The following DPYD variants were observed in gnomAD, a reference collection of about 807,000 sequenced individuals.
DPYD encodes dihydropyrimidine dehydrogenase [NADP(+)].
A neutral mutation model predicts 116.2 loss-of-function variants in DPYD; 109 were observed. The ratio of observed to expected loss-of-function variants is 0.94; its 90% CI spans 0.80 to 1.10. The LOEUF (loss-of-function observed/expected upper bound fraction) is 1.10, where lower values mean the gene tolerates loss of function less well. Ranked by LOEUF, DPYD falls within the 50% of genes least tolerant of loss-of-function variation. The probability of loss-of-function intolerance (pLI) is 0.00; values close to 1 mark genes in which losing one functional copy is unlikely to be tolerated. For synonymous variants in DPYD, 440 were observed against 432.0 expected, an observed-to-expected ratio of 1.02 and a Z score of -0.23; for missense variants, 1,302 against 1,254.5, an observed-to-expected ratio of 1.04 and a Z score of -0.57.
chr1:97,549,883 T>C lies in DPYD; in HGVS notation c.1340-139A>G, dbSNP rs1297033947. On this transcript the variant is annotated intron_variant, in intron 11 of 22. Transcript: ENST00000370192. ...AACTGTTTTTAGTAAACTATAAAAATGAAAAGCTAACGAAATATTGGAGTT... is the reference window on the plus strand; with the variant it reads ...AACTGTTTTTAGTAAACTATAAAAACGAAAAGCTAACGAAATATTGGAGTT... The C allele has an allele frequency of 4.9e-6, 4 of 822,380 alleles. No homozygotes were observed. The East Asian group carries it at 1.1e-4, about 22-fold the overall frequency. 50.9% of individuals were successfully genotyped at this position (822,380 alleles called of 1,614,324 possible).
At chr1:97,496,611 C>G (rs1423664810) in intron 13 of DPYD, among the ~76,000 whole-genome samples, 1 of 151,994 alleles carries the variant, frequency 6.6e-6, no homozygotes, top group East Asian at 1.9e-4. Context: ...TTCTTTTTCT[C>G]TCTGACTTTG....
chr1:97,145,018 G>A (rs1309998652), intron 20 of DPYD, among the ~76,000 whole-genome samples: 1 of 152,100 alleles, frequency 6.6e-6, no homozygotes, highest in Non-Finnish European at 1.5e-5. Context: ...TGGTGCTGGG[G>A]CAAGTGTGCA....
chr1:97,400,488 T>C (rs1183907268), intron 14 of DPYD, among the ~76,000 whole-genome samples: 3 of 152,030 alleles, frequency 2.0e-5, no homozygotes, highest in Admixed American at 1.3e-4. Context: ...AGGATTCCCT[T>C]TTTTTCTGTT....
At chr1:97,597,681 A>G (rs950140200) in intron 8 of DPYD, among the ~76,000 whole-genome samples, 1 of 152,174 alleles carries the variant, frequency 6.6e-6, no homozygotes, top group Non-Finnish European at 1.5e-5. Context: ...TTAAGAACAA[A>G]ATTGTGGTTT....
chr1:97,278,856 C>T (rs1570411860), intron 18 of DPYD, among the ~76,000 whole-genome samples: 2 of 152,120 alleles, frequency 1.3e-5, no homozygotes, highest in African/African-American at 4.8e-5. Flanking sequence ...TATATATGCA[C>T]ACTCTAACAC....
At chr1:97,852,058 T>C (rs1571469300) in intron 2 of DPYD, among the ~76,000 whole-genome samples, 1 of 146,534 alleles carries the variant, frequency 6.8e-6, no homozygotes, top group African/African-American at 2.5e-5. Context: ...AAAAAGAAAG[T>C]GCAGCTACCT....
chr1:97,772,084 T>C (rs1361605123), intron 3 of DPYD, among the ~76,000 whole-genome samples: 1 of 152,192 alleles, frequency 6.6e-6, no homozygotes, highest in African/African-American at 2.4e-5. Context: ...TCTCACTTTT[T>C]CTGCCCAATG....
In DPYD at chr1:97,091,014, A is replaced by C. The variant is rs185696857; in HGVS notation, c.2766+7475T>G. On this transcript the variant is annotated intron_variant, in intron 21 of 22. Transcript: ENST00000370192. ...GGCATTTGAAAGGAAAAAAGAACAA[A>C]AGATGAGATCTACTGAGCATAGCTT... Among the ~76,000 whole-genome samples, 28 of 152,336 alleles carry C rather than the reference A, an allele frequency of 1.8e-4. No homozygotes were observed. In the East Asian group the frequency reaches 5.4e-3, roughly 29 times the overall value.
chr1:97,223,666 A>T (rs1371204593), intron 19 of DPYD, among the ~76,000 whole-genome samples: 2 of 152,066 alleles, frequency 1.3e-5, no homozygotes, highest in Non-Finnish European at 2.9e-5. Flanking sequence ...AAAGCAACTG[A>T]CTCAGTCTGA....
chr1:97,575,661 T>C (rs192553089), intron 10 of DPYD, among the ~76,000 whole-genome samples: 12 of 152,132 alleles, frequency 7.9e-5, no homozygotes, highest in Admixed American at 7.9e-4. Context: ...CTGGTAAACA[T>C]ACAAAACAGT....
rs1671957602 is a variant in DPYD, at chr1:97,877,065, G to A, written c.150+6199C>T. 2.0e-5 allele frequency among the ~76,000 whole-genome samples: 3 copies of A among 151,980 alleles called. No homozygotes were observed. The South Asian group carries it at 6.2e-4, about 32-fold the overall frequency. ...TACCAGGTGTGGGTAAATGAAAGAT[G>A]GAGAATCTGTGACTCGACAAACGAA... On this transcript the variant is annotated intron_variant, in intron 2 of 22. Transcript: ENST00000370192.
At chr1:97,904,952 G>C (rs1673535316) in intron 1 of DPYD, among the ~76,000 whole-genome samples, 1 of 151,972 alleles carries the variant, frequency 6.6e-6, no homozygotes, top group Non-Finnish European at 1.5e-5. Flanking sequence ...AAGGGCACCT[G>C]CATAGTCAAT....
intron 20 of DPYD, among the ~76,000 whole-genome samples, chr1:97,141,242 G>A (rs562800970): frequency 1.3e-5 from 2 of 152,278 alleles, no homozygotes; most frequent in East Asian, 3.9e-4. Context: ...AGCGAGGCAC[G>A]AGGTGCATAG....
chr1:97,822,941 T>C (rs538948055), intron 3 of DPYD, among the ~76,000 whole-genome samples: 2 of 152,320 alleles, frequency 1.3e-5, no homozygotes, highest in East Asian at 3.9e-4. Flanking sequence ...TATGGCAATA[T>C]AGTACATTGA....
intron 1 of DPYD, among the ~76,000 whole-genome samples, chr1:97,900,443 T>G (rs1482211210): frequency 6.6e-6 from 1 of 151,832 alleles, no homozygotes; most frequent in Non-Finnish European, 1.5e-5. Context: ...GGCAAAATAT[T>G]CAAAACCAGG....
At chr1:97,794,654 C>G (rs1195750652) in intron 3 of DPYD, among the ~76,000 whole-genome samples, 1 of 152,128 alleles carries the variant, frequency 6.6e-6, no homozygotes, top group Non-Finnish European at 1.5e-5. Context: ...GATTGCCTGG[C>G]TAGTTAGTAT....
chr1:97,511,156 A>G (rs77569196), intron 13 of DPYD, among the ~76,000 whole-genome samples: 2,493 of 152,096 alleles, frequency 0.016, 75 homozygotes, highest in African/African-American at 0.056. Context: ...CTATAGTCAA[A>G]TAGATAACTG....
chr1:97,637,624 A>G (rs1380363153), intron 8 of DPYD, among the ~76,000 whole-genome samples: 1 of 152,128 alleles, frequency 6.6e-6, no homozygotes, highest in Non-Finnish European at 1.5e-5. Context: ...CAAACAAGAA[A>G]GAAGTGAGAA....
At chr1:97,644,937 C>T (rs1238083466) in intron 8 of DPYD, among the ~76,000 whole-genome samples, 1 of 152,000 alleles carries the variant, frequency 6.6e-6, no homozygotes. Context: ...AATGCATACA[C>T]AAGAAAAATT....
Sources: allele counts gnomAD v4.1 joint callset (sites outside exome capture counted in the v4.1 genomes callset), GRCh38; gene constraint gnomAD v4.1.1; transcripts MANE v1.5; gene names NCBI Gene and HGNC (gene_info 2026-07-23, HGNC 2026-07-21).